The following RFTN2 variants were observed in gnomAD, a reference collection of about 807,000 sequenced individuals.
The protein encoded by RFTN2 is raftlin-2.
Under a neutral mutation model 52.7 loss-of-function variants are expected in RFTN2, and 34 were observed. The ratio of observed to expected loss-of-function variants is 0.64; its 90% CI spans 0.49 to 0.86. The LOEUF is 0.86. Among genes scored for constraint, RFTN2 ranks in the 40% least tolerant of loss-of-function variants. RFTN2 has a pLI of 0.00. For missense variants in RFTN2, 536 were observed against 600.1 expected, an observed-to-expected ratio of 0.89 and a Z score of 1.12; for synonymous variants, 203 against 217.7, an observed-to-expected ratio of 0.93 and a Z score of 0.59.
chr2:197,668,373 G>A (rs1489427984), intron 1 of RFTN2, among the ~76,000 whole-genome samples: 1 of 152,162 alleles, frequency 6.6e-6, no homozygotes, highest in African/African-American at 2.4e-5. Flanking sequence ...ATTGGGGGCA[G>A]CAGTGGCCAT....
At chr2:197,663,628 T>C (rs1403753334) in intron 1 of RFTN2, among the ~76,000 whole-genome samples, 5 of 152,234 alleles carry the variant, frequency 3.3e-5, no homozygotes, top group Admixed American at 2.6e-4. Flanking sequence ...TTGTTCATAG[T>C]AGTCTGTAAT....
rs190657184 is a variant in RFTN2 at position 197,572,124 on chromosome 2, T to A, written c.1390A>T (p.Arg464Trp). The A allele has an allele frequency of 2.0e-4, 324 of 1,614,252 alleles. 1 individual carries two copies. Among genetic ancestry groups the A allele is most frequent in the Non-Finnish European group, 4.2e-6 (5 of 1,180,042 alleles). Residue 464 changes from arginine (R) to tryptophan (W), a missense_variant, in exon 9 of 9, where the codon AGG becomes TGG. By Grantham distance (101) the Arg-to-Trp change is moderately radical. Coordinates refer to ENST00000295049, the MANE Select transcript of RFTN2 (RefSeq NM_144629.3). ...PSRECWTKEGRLAQHNSFSGF... is the reference protein window; with the variant it reads ...PSRECWTKEGWLAQHNSFSGF... Reference sequence around the variant, plus strand: ...GAGAAGCTGTTGTGCTGTGCCAGCCTTCCCTCCTTTGTCCAGCATTCCCGG... The same window carrying A: ...GAGAAGCTGTTGTGCTGTGCCAGCCATCCCTCCTTTGTCCAGCATTCCCGG...
intron 5 of RFTN2, among the ~76,000 whole-genome samples, chr2:197,624,177 A>G (rs1268254429): frequency 2.6e-5 from 4 of 152,214 alleles, no homozygotes; most frequent in South Asian, 2.1e-4. Flanking sequence ...TGAAGGATTT[A>G]GAATATTAAA....
At chr2:197,578,762 C>G (rs565387353) in intron 8 of RFTN2, among the ~76,000 whole-genome samples, 2 of 152,172 alleles carry the variant, frequency 1.3e-5, no homozygotes, top group African/African-American at 4.8e-5. Context: ...TCTCTTCACA[C>G]GGATGCGCAT....
At chr2:197,601,614 T>C (rs116695567) in intron 7 of RFTN2, among the ~76,000 whole-genome samples, 2 of 152,152 alleles carry the variant, frequency 1.3e-5, no homozygotes, top group Non-Finnish European at 2.9e-5. Context: ...ACTGAAGCCC[T>C]GACTACAGGA....
At chr2:197,646,415 A>G in intron 2 of RFTN2, 68 bp downstream of exon 2, 2 of 1,291,330 alleles carry the variant, frequency 1.5e-6, no homozygotes, top group East Asian at 2.4e-5. Flanking sequence ...CTTGATTCAA[A>G]TTTTTTTTTC....
intron 3 of RFTN2, among the ~76,000 whole-genome samples, chr2:197,643,788 T>C (rs1037055492): frequency 6.6e-6 from 1 of 151,564 alleles, no homozygotes; most frequent in Non-Finnish European, 1.5e-5. Flanking sequence ...TTTTCTTTTG[T>C]TTTTTTATAT....
At chr2:197,667,231 C>G (rs1435017333) in intron 1 of RFTN2, among the ~76,000 whole-genome samples, 1 of 152,156 alleles carries the variant, frequency 6.6e-6, no homozygotes, top group Non-Finnish European at 1.5e-5. Context: ...AGTGATCTGC[C>G]TGCCTCACCC....
Position 197,633,865 on chromosome 2 carries a change from CT to C in RFTN2, c.570del (p.Asp191MetfsTer12). The C allele has an allele frequency of 6.2e-7, 1 of 1,613,970 alleles. No homozygotes were observed. The highest frequency in any genetic ancestry group is 2.2e-5 in the East Asian group (1 of 44,876). The stretch of plus-strand genomic sequence containing the variant: ...TCATTCCAACTTCTACAGTTTTCAT[CT>C]GAACCGTGTCTCACATGTAGCATCG... ...IESMLHVRHG[S>X]DENCRSWNEG... On this transcript the variant is annotated frameshift_variant, in exon 4 of 9. Transcript: ENST00000295049. LOFTEE classifies it high-confidence loss of function.
chr2:197,617,950 G>T, intron 5 of RFTN2, 29 bp from the exon 6 acceptor site: 1 of 1,556,030 alleles, frequency 6.4e-7, no homozygotes, highest in Non-Finnish European at 8.7e-7. Flanking sequence ...AATTAAGAAG[G>T]GTTGTAAATA....
chr2:197,672,580 C>T (rs141692635), intron 1 of RFTN2, among the ~76,000 whole-genome samples: 75 of 152,330 alleles, frequency 4.9e-4, no homozygotes, highest in African/African-American at 1.7e-3. Context: ...CAAGTGCTTA[C>T]TAACTGCCAG....
chr2:197,664,250 A>T (rs2089019460), intron 1 of RFTN2, among the ~76,000 whole-genome samples: 1 of 151,930 alleles, frequency 6.6e-6, no homozygotes, highest in Admixed American at 6.6e-5. Context: ...AGGTGGGCAG[A>T]TTGCTTGAGG....
At chr2:197,630,911 G>A in intron 5 of RFTN2, 100 bp downstream of exon 5, 1 of 776,918 alleles carries the variant, frequency 1.3e-6, no homozygotes, top group Non-Finnish European at 2.2e-6. Flanking sequence ...AATGGTATCT[G>A]TCCTTTCAGC....
chr2:197,669,391 A>AT (rs1041271196), intron 1 of RFTN2, among the ~76,000 whole-genome samples: 27 of 148,956 alleles, frequency 1.8e-4, no homozygotes, highest in Non-Finnish European at 2.4e-4. Context: ...TTTTTTTCAA[A>AT]TTTTTTTGGG....
rs543903392 is a variant in RFTN2, at chr2:197,654,247, G to A, written c.140-7581C>T. Among the ~76,000 whole-genome samples the A allele has an allele frequency of 2.0e-5, 3 of 152,136 alleles. 1 individual carries two copies. The South Asian group carries it at 6.2e-4, about 32-fold the overall frequency. On this transcript the variant is annotated intron_variant, in intron 1 of 8. Transcript: ENST00000295049. The stretch of plus-strand genomic sequence containing the variant: ...CAGAAAATTTAAATATTAGCTGAGC[G>A]TGATTGCACATGCCTGTAAGTCCCA...
chr2:197,629,675 TAC>T (rs60384360), intron 5 of RFTN2, among the ~76,000 whole-genome samples: 3,044 of 146,514 alleles, frequency 0.021, 107 homozygotes, highest in African/African-American at 0.075. Context: ...TTAATTTTTA[TAC>T]ACACACACAC....
intron 5 of RFTN2, among the ~76,000 whole-genome samples, chr2:197,625,120 G>C (rs1041613817): frequency 3.3e-5 from 5 of 152,104 alleles, no homozygotes; most frequent in African/African-American, 4.8e-5. Flanking sequence ...AAAGTACTGG[G>C]ACTACAGGCA....
intron 8 of RFTN2, among the ~76,000 whole-genome samples, chr2:197,589,152 G>A (rs1047461666): frequency 6.1e-5 from 9 of 147,524 alleles, no homozygotes; most frequent in Non-Finnish European, 1.0e-4. Flanking sequence ...AACTGGAGAG[G>A]CGGAGGTTGC....
intron 5 of RFTN2, among the ~76,000 whole-genome samples, chr2:197,625,504 A>G (rs2088339459): frequency 1.3e-5 from 2 of 152,134 alleles, no homozygotes; most frequent in Admixed American, 1.3e-4. Flanking sequence ...GGGCAGGCAC[A>G]TATGGTAACT....
Sources: gnomAD v4.1 joint callset for allele counts (sites outside exome capture counted in the v4.1 genomes callset) on GRCh38, gnomAD v4.1.1 for gene constraint, MANE v1.5 for transcripts, NCBI Gene and HGNC (gene_info 2026-07-23, HGNC 2026-07-21) for gene names.